WWP1: variants seen among roughly 807,000 people sequenced by gnomAD.
The protein encoded by WWP1 is NEDD4-like E3 ubiquitin-protein ligase WWP1.
A neutral mutation model predicts 130.6 loss-of-function variants in WWP1; 49 were observed. The ratio of observed to expected loss-of-function variants is 0.38; its 90% CI spans 0.30 to 0.48. WWP1 has a LOEUF of 0.48. WWP1 is among the 20% of genes least tolerant of loss of function. The probability of loss-of-function intolerance (pLI) is 0.99; values close to 1 mark genes in which losing one functional copy is unlikely to be tolerated. For missense variants in WWP1, 809 were observed against 1,100.6 expected (o/e 0.74, Z 3.75); for synonymous variants, 332 against 367.8 (o/e 0.90, Z 1.11).
intron 2 of WWP1, among the ~76,000 whole-genome samples, chr8:86,369,500 G>T (rs1234701305): frequency 6.6e-6 from 1 of 152,056 alleles, no homozygotes; most frequent in Non-Finnish European, 1.5e-5. Flanking sequence ...ATTGGGGGTG[G>T]GGATCAGGGT....
Position 86,342,767 on chromosome 8 carries a change from C to T in WWP1, c.-278C>T. ...AGCTCCGCGTGCGGGTTCCGAGTGG[C>T]TGCTGGCGGCCTGGGCTGCCGGGGC... On this transcript the variant is annotated 5_prime_UTR_variant, in exon 1 of 25. Transcript: ENST00000517970. 1 of 366,228 alleles carries T rather than the reference C, an allele frequency of 2.7e-6. No individual in the cohort carries two copies. Among genetic ancestry groups the T allele is most frequent in the Admixed American group, 4.7e-5 (1 of 21,484 alleles). 22.7% of individuals were successfully genotyped at this position (366,228 alleles called of 1,614,324 possible).
At chr8:86,345,599 A>G (rs1192684780) in intron 1 of WWP1, among the ~76,000 whole-genome samples, 1 of 150,622 alleles carries the variant, frequency 6.6e-6, no homozygotes, top group Middle Eastern at 3.4e-3. Flanking sequence ...TTTTTTAGAG[A>G]TGGGGTCTCA....
At chr8:86,377,341 G>A (rs182578107) in intron 3 of WWP1, among the ~76,000 whole-genome samples, 96 of 150,540 alleles carry the variant, frequency 6.4e-4, no homozygotes, top group Non-Finnish European at 1.3e-3. Context: ...CAGGTGATCC[G>A]CCTGCCTCGG....
chr8:86,351,941 A>C (rs910175132), intron 1 of WWP1, among the ~76,000 whole-genome samples: 11 of 151,896 alleles, frequency 7.2e-5, no homozygotes, highest in African/African-American at 2.7e-4. Context: ...TTTTATGCAC[A>C]TTAGTTTGAG....
At chr8:86,420,576 A>G (rs1282943088) in intron 9 of WWP1, among the ~76,000 whole-genome samples, 4 of 152,210 alleles carry the variant, frequency 2.6e-5, no homozygotes, top group Non-Finnish European at 5.9e-5. Flanking sequence ...AAGTCAATAC[A>G]TTATGTTTGA....
At chr8:86,390,451 G>C (rs984733826) in intron 5 of WWP1, among the ~76,000 whole-genome samples, 2 of 152,144 alleles carry the variant, frequency 1.3e-5, no homozygotes, top group Non-Finnish European at 2.9e-5. Flanking sequence ...CCGGCACTTC[G>C]GGAGGCCCAG....
chr8:86,449,076 G>A (rs1281698192), intron 20 of WWP1, among the ~76,000 whole-genome samples: 2 of 151,616 alleles, frequency 1.3e-5, no homozygotes, highest in Admixed American at 1.3e-4. Flanking sequence ...TTGGCCTCAA[G>A]TCATCCTCCT....
intron 5 of WWP1, among the ~76,000 whole-genome samples, chr8:86,396,774 T>A (rs548196529): frequency 3.1e-4 from 47 of 152,150 alleles, no homozygotes; most frequent in African/African-American, 8.4e-4. Context: ...TTAATTTTTT[T>A]AAAAAAATAG....
At chr8:86,371,230 C>G (rs1057193838) in intron 2 of WWP1, among the ~76,000 whole-genome samples, 2 of 151,920 alleles carry the variant, frequency 1.3e-5, no homozygotes, top group Non-Finnish European at 2.9e-5. Flanking sequence ...ATATAATGCT[C>G]CATTGTATGA....
intron 9 of WWP1, among the ~76,000 whole-genome samples, chr8:86,414,197 A>G (rs1010762832): frequency 6.7e-6 from 1 of 149,434 alleles, no homozygotes; most frequent in African/African-American, 2.6e-5. Flanking sequence ...TGTAGTAAGA[A>G]TAAGCATTGT....
rs530074386 is a variant in WWP1, at chr8:86,374,777, A to C, written c.70+657A>C. On this transcript the variant is annotated intron_variant, in intron 3 of 24. Transcript: ENST00000517970. ...CTGGCTGGAGTACGGTGGCGCAAAC[A>C]TACCTCCTTGTAGCCTCAAACTACT... Among the ~76,000 whole-genome samples the C allele has an allele frequency of 2.0e-5, 3 of 152,008 alleles. No homozygotes were observed. In the East Asian group the frequency reaches 5.8e-4, roughly 29 times the overall value.
intron 8 of WWP1, among the ~76,000 whole-genome samples, chr8:86,408,986 T>C (rs551046636): frequency 2.0e-5 from 3 of 152,270 alleles, no homozygotes; most frequent in African/African-American, 7.2e-5. Context: ...TTCATTTTGC[T>C]GAAATGTTTT....
chr8:86,401,047 C>T (rs1807948794), intron 7 of WWP1, among the ~76,000 whole-genome samples: 1 of 150,720 alleles, frequency 6.6e-6, no homozygotes, highest in Non-Finnish European at 1.5e-5. Flanking sequence ...CTCACCAAAT[C>T]GCCCAGCTCC....
intron 24 of WWP1, among the ~76,000 whole-genome samples, chr8:86,462,900 G>T (rs546370678): frequency 6.6e-6 from 1 of 151,092 alleles, no homozygotes; most frequent in Non-Finnish European, 1.5e-5. Context: ...AAAAGAAAAA[G>T]GCAAGTTCGT....
chr8:86,438,896 G>C (rs1376925779), intron 17 of WWP1, among the ~76,000 whole-genome samples: 3 of 151,872 alleles, frequency 2.0e-5, no homozygotes, highest in Non-Finnish European at 2.9e-5. Context: ...GTGTAATATA[G>C]TATATATTTG....
chr8:86,352,278 G>GC (rs1822978194), intron 1 of WWP1, among the ~76,000 whole-genome samples: 1 of 151,968 alleles, frequency 6.6e-6, no homozygotes, highest in Non-Finnish European at 1.5e-5. Context: ...AGGTTGGAGT[G>GC]CAGTGGCGCT....
chr8:86,355,859 T>C (rs1823223923), intron 1 of WWP1, among the ~76,000 whole-genome samples: 1 of 152,184 alleles, frequency 6.6e-6, no homozygotes, highest in Non-Finnish European at 1.5e-5. Context: ...TTTTAAGGCA[T>C]GGGTTAGCTC....
intron 3 of WWP1, among the ~76,000 whole-genome samples, chr8:86,376,140 CTGTA>C (rs1407100786): frequency 1.3e-5 from 2 of 152,196 alleles, no homozygotes; most frequent in Non-Finnish European, 2.9e-5. Flanking sequence ...TACTTTTGCT[CTGTA>C]TAAGAAGCTT....
intron 21 of WWP1, among the ~76,000 whole-genome samples, chr8:86,455,799 C>T (rs560898336): frequency 3.1e-4 from 47 of 151,892 alleles, no homozygotes; most frequent in African/African-American, 1.1e-3. Context: ...AATACAGAGG[C>T]CCTAGAAGAG....
Sources: gnomAD v4.1 joint callset for allele counts (sites outside exome capture counted in the v4.1 genomes callset) on GRCh38, gnomAD v4.1.1 for gene constraint, MANE v1.5 for transcripts, NCBI Gene and HGNC (gene_info 2026-07-23, HGNC 2026-07-21) for gene names.